The following SORCS2 variants were observed in gnomAD, a reference collection of about 807,000 sequenced individuals.
The protein encoded by SORCS2 is VPS10 domain-containing receptor SorCS2.
Under a neutral mutation model 141.6 loss-of-function variants are expected in SORCS2, and 100 were observed. The ratio of observed to expected loss-of-function variants is 0.71; its 90% CI spans 0.60 to 0.83. The LOEUF (loss-of-function observed/expected upper bound fraction) is 0.83, where lower values mean the gene tolerates loss of function less well. Among genes scored for constraint, SORCS2 ranks in the 40% least tolerant of loss-of-function variants. The pLI is 0.00. For missense variants in SORCS2, 1,646 were observed against 1,560.2 expected (o/e 1.05, Z -0.93); for synonymous variants, 789 against 676.9 (o/e 1.17, Z -2.57).
chr4:7,266,846 G>A (rs979515762), intron 1 of SORCS2, among the ~76,000 whole-genome samples: 1 of 152,184 alleles, frequency 6.6e-6, no homozygotes, highest in Non-Finnish European at 1.5e-5. Flanking sequence ...CCAGGGTCAG[G>A]CTGCCGGGCT....
chr4:7,679,001 T>G (rs1301682178), intron 9 of SORCS2, among the ~76,000 whole-genome samples: 1 of 152,184 alleles, frequency 6.6e-6, no homozygotes, highest in African/African-American at 2.4e-5. Context: ...AGCACTCACT[T>G]TGTTTTCCCA....
intron 10 of SORCS2, among the ~76,000 whole-genome samples, chr4:7,685,487 A>G (rs1371541970): frequency 6.6e-6 from 1 of 152,190 alleles, no homozygotes; most frequent in Non-Finnish European, 1.5e-5. Flanking sequence ...CCTGGCCAAC[A>G]TGATGAAACC....
At chr4:7,486,219 G>T (rs1303389458) in intron 2 of SORCS2, among the ~76,000 whole-genome samples, 2 of 152,242 alleles carry the variant, frequency 1.3e-5, no homozygotes, top group Non-Finnish European at 2.9e-5. Context: ...TCCAGTGGAG[G>T]GGGGCCCTCC....
chr4:7,557,034 T>A (rs1714185189), intron 3 of SORCS2, among the ~76,000 whole-genome samples: 1 of 151,810 alleles, frequency 6.6e-6, no homozygotes, highest in Non-Finnish European at 1.5e-5. Flanking sequence ...CATCCATCCA[T>A]CCCTTTACTT....
chr4:7,301,728 A>G (rs1030329545), intron 1 of SORCS2, among the ~76,000 whole-genome samples: 2 of 152,206 alleles, frequency 1.3e-5, no homozygotes, highest in African/African-American at 4.8e-5. Flanking sequence ...TACCAAAATG[A>G]GGTGAAGATG....
At chr4:7,410,758 C>A (rs1048057548) in intron 2 of SORCS2, among the ~76,000 whole-genome samples, 2 of 152,082 alleles carry the variant, frequency 1.3e-5, no homozygotes, top group Admixed American at 1.3e-4. Flanking sequence ...GACTGTAAAG[C>A]TTTCAGGGTT....
Position 7,729,662 on chromosome 4 carries a change from C to A in SORCS2, c.3058C>A (p.Leu1020Ile), listed in dbSNP as rs200230165. ...GLPTLADLYV[L>I]LPPPRPTRKR... is the part of the protein sequence containing the mutation. ...GCCCACTTTGGCCGATCTGTACGTG[C>A]TCCTGCCCCCTCCCAGGCCCACAAG... The change falls in exon 23 of 27, where the codon CTC becomes ATC. Residue 1020 changes from leucine to isoleucine, a missense_variant. Transcript: ENST00000507866. The A allele has an allele frequency of 1.9e-6, 3 of 1,607,316 alleles. No individual in the cohort carries two copies. The Admixed American group carries it at 5.1e-5, about 27-fold the overall frequency.
chr4:7,359,008 A>G (rs1246483903), intron 1 of SORCS2, among the ~76,000 whole-genome samples: 1 of 152,170 alleles, frequency 6.6e-6, no homozygotes, highest in Non-Finnish European at 1.5e-5. Flanking sequence ...TCGGCTAATC[A>G]AAAAAATTTT....
intron 1 of SORCS2, among the ~76,000 whole-genome samples, chr4:7,359,849 T>C (rs2109021212): frequency 6.6e-6 from 1 of 152,276 alleles, no homozygotes; most frequent in Admixed American, 6.5e-5. Context: ...GAGGGTGATC[T>C]CAAGCAACTG....
At chr4:7,356,684 C>T (rs1254332182) in intron 1 of SORCS2, among the ~76,000 whole-genome samples, 1 of 152,232 alleles carries the variant, frequency 6.6e-6, no homozygotes, top group Non-Finnish European at 1.5e-5. Flanking sequence ...TGCAGACATC[C>T]AGTCTGCAGC....
chr4:7,291,181 C>T (rs1386866748), intron 1 of SORCS2, among the ~76,000 whole-genome samples: 5 of 152,138 alleles, frequency 3.3e-5, no homozygotes, highest in East Asian at 1.9e-4. Flanking sequence ...AGAAGGGGCT[C>T]GGATGAGGCG....
At chr4:7,317,803 C>T (rs1473413029) in intron 1 of SORCS2, among the ~76,000 whole-genome samples, 1 of 152,212 alleles carries the variant, frequency 6.6e-6, no homozygotes, top group African/African-American at 2.4e-5. Context: ...TTCCGACAGT[C>T]ACAGGCCACC....
At chr4:7,505,267 G>A (rs948344313) in intron 2 of SORCS2, among the ~76,000 whole-genome samples, 1 of 152,226 alleles carries the variant, frequency 6.6e-6, no homozygotes, top group Admixed American at 6.5e-5. Flanking sequence ...GGGAGATCCA[G>A]TGGGGCAGCT....
chr4:7,589,617 T>G (rs1003605066), intron 3 of SORCS2, among the ~76,000 whole-genome samples: 3 of 152,104 alleles, frequency 2.0e-5, no homozygotes, highest in African/African-American at 7.2e-5. Context: ...TGGCCAGGCT[T>G]GTCTCGAACT....
intron 18 of SORCS2, among the ~76,000 whole-genome samples, chr4:7,719,079 C>G (rs918795990): frequency 2.6e-4 from 40 of 152,236 alleles, no homozygotes; most frequent in Admixed American, 2.0e-4. Flanking sequence ...ACCCTGGGCT[C>G]TCTCCCGGCA....
intron 6 of SORCS2, among the ~76,000 whole-genome samples, chr4:7,662,365 C>T (rs1475647988): frequency 6.6e-6 from 1 of 152,022 alleles, no homozygotes; most frequent in Non-Finnish European, 1.5e-5. Flanking sequence ...TGGTGCACCT[C>T]TCACCACCCC....
chr4:7,690,357 G>A (rs1364734617), intron 11 of SORCS2, among the ~76,000 whole-genome samples: 2 of 151,416 alleles, frequency 1.3e-5, no homozygotes, highest in East Asian at 3.9e-4. Flanking sequence ...GTGGATGGAT[G>A]GATGAGTGGG....
chr4:7,451,919 G>A (rs902878019), intron 2 of SORCS2, among the ~76,000 whole-genome samples: 4 of 152,186 alleles, frequency 2.6e-5, no homozygotes, highest in African/African-American at 9.6e-5. Context: ...TCCCAGGACA[G>A]GAGCGAGATC....
intron 1 of SORCS2, among the ~76,000 whole-genome samples, chr4:7,368,182 G>A (rs1481667821): frequency 2.6e-5 from 4 of 152,234 alleles, no homozygotes; most frequent in Non-Finnish European, 5.9e-5. Context: ...GCCATGAAGA[G>A]TGGACACAGA....
Sources: gnomAD v4.1 joint callset for allele counts (sites outside exome capture counted in the v4.1 genomes callset) on GRCh38, gnomAD v4.1.1 for gene constraint, MANE v1.5 for transcripts, NCBI Gene and HGNC (gene_info 2026-07-23, HGNC 2026-07-21) for gene names.